Variants in IGDCC3 observed in about 807,000 individuals in gnomAD.
IGDCC3 encodes the protein immunoglobulin superfamily DCC subclass member 3.
A neutral mutation model predicts 72.0 loss-of-function variants in IGDCC3; 47 were observed. The observed-to-expected ratio is 0.65, with a 90% CI of 0.52 to 0.83. IGDCC3 has a LOEUF of 0.83. Ranked by LOEUF, IGDCC3 falls within the 40% of genes least tolerant of loss-of-function variation. The pLI is 0.00. For synonymous variants in IGDCC3, 477 were observed against 472.8 expected, an observed-to-expected ratio of 1.01 and a Z score of -0.11; for missense variants, 1,038 against 1,091.3, an observed-to-expected ratio of 0.95 and a Z score of 0.69.
At chr15:65,366,428 G>A (rs2140168176) in intron 2 of IGDCC3, among the ~76,000 whole-genome samples, 1 of 152,176 alleles carries the variant, frequency 6.6e-6, no homozygotes. Flanking sequence ...AAGGAGGGAG[G>A]AGGAGCTGGA....
intron 2 of IGDCC3, among the ~76,000 whole-genome samples, chr15:65,369,411 C>A (rs532005574): frequency 4.2e-4 from 64 of 152,298 alleles, no homozygotes; most frequent in African/African-American, 1.4e-3. Context: ...AACTTCTCAG[C>A]GGTGTCAGAA....
In IGDCC3 at chr15:65,331,033, C is replaced by T. The variant is rs1184855689; in HGVS notation, c.1561+17G>A. 6.2e-7 allele frequency: 1 copy of T among 1,611,438 alleles called. No homozygotes were observed. The highest frequency in any genetic ancestry group is 1.3e-5 in the African/African-American group (1 of 74,912). On this transcript the variant is annotated intron_variant, in intron 9 of 13. Transcript: ENST00000327987. ...GAGTGAGTGCCTGTGGTTTTGTGCTCCACACCCAGGCCTCACCTTCACCCA... is the reference window on the plus strand; with the variant it reads ...GAGTGAGTGCCTGTGGTTTTGTGCTTCACACCCAGGCCTCACCTTCACCCA...
chr15:65,357,686 A>G (rs2091234000), intron 2 of IGDCC3, among the ~76,000 whole-genome samples: 1 of 152,182 alleles, frequency 6.6e-6, no homozygotes, highest in Non-Finnish European at 1.5e-5. Flanking sequence ...TTTAAGTATA[A>G]CTCATTGTTT....
At chr15:65,361,212 G>A (rs2091258311) in intron 2 of IGDCC3, among the ~76,000 whole-genome samples, 1 of 151,940 alleles carries the variant, frequency 6.6e-6, no homozygotes, top group Non-Finnish European at 1.5e-5. Context: ...GGGATTACCT[G>A]AGCCCAGGAG....
At position 65,339,781 on chromosome 15, in the gene IGDCC3, C is replaced by T. The variant is rs1273634013; in HGVS notation, c.410-3825G>A. On this transcript the variant is annotated intron_variant, in intron 2 of 13. Transcript: ENST00000327987. This position sits in a 1 kb window ranked among gnomAD's most constrained non-coding sequence, Gnocchi z 4.1. ...TGGTATTGTGTCTGTGGCTGGTGCA[C>T]GTGACAGTGGTGCTGTGACTTTGGC... Among the ~76,000 whole-genome samples, 3 of 152,276 alleles carry T rather than the reference C, an allele frequency of 2.0e-5. No homozygotes were observed. The highest frequency in any genetic ancestry group is 4.1e-4 in the South Asian group (2 of 4,826).
intron 2 of IGDCC3, among the ~76,000 whole-genome samples, chr15:65,337,428 C>A (rs2091040528): frequency 6.6e-6 from 1 of 152,172 alleles, no homozygotes; most frequent in African/African-American, 2.4e-5. Context: ...CGGGTGTGTA[C>A]CTCTGGTTCT....
At chr15:65,346,566 C>T (rs1159502308) in intron 2 of IGDCC3, among the ~76,000 whole-genome samples, 2 of 152,024 alleles carry the variant, frequency 1.3e-5, no homozygotes, top group Admixed American at 6.6e-5. Flanking sequence ...AAGCGATTCT[C>T]CTACCTCAGC....
chr15:65,370,612 ATG>A (rs1222184688), intron 2 of IGDCC3, among the ~76,000 whole-genome samples: 71 of 81,304 alleles, frequency 8.7e-4, no homozygotes, highest in African/African-American at 3.3e-3. Flanking sequence ...GTGTATATAT[ATG>A]TATGTGTATA....
Position 65,335,322 on chromosome 15 carries a change from C to T in IGDCC3, c.654G>A (p.Arg218=), listed in dbSNP as rs774093060. 8 of 1,613,332 alleles carry T rather than the reference C, an allele frequency of 5.0e-6. No individual in the cohort carries two copies. The African/African-American group carries it at 1.1e-4, about 22-fold the overall frequency. The stretch of plus-strand genomic sequence containing the variant: ...CAGTGAGCCTGGCCCCGTGGCTGAT[C>T]CGGATACTGGCGATGTTTGAGGCCA... ...HCVASNIASI[R]ISHGARLTVS... is the part of the protein sequence containing the mutation. The change falls in exon 4 of 14, where the codon CGG becomes CGA. Residue 218 remains arginine (R), a synonymous_variant. Coordinates refer to ENST00000327987, the MANE Select transcript of IGDCC3 (RefSeq NM_004884.4).
At chr15:65,374,537 GTGA>G (rs1160514867) in intron 2 of IGDCC3, among the ~76,000 whole-genome samples, 2 of 152,142 alleles carry the variant, frequency 1.3e-5, no homozygotes, top group African/African-American at 4.8e-5. Context: ...GTGAGTAGGA[GTGA>G]TGTCATCATT....
At chr15:65,333,155 A>G in intron 6 of IGDCC3, 102 bp downstream of exon 6, 1 of 1,199,450 alleles carries the variant, frequency 8.3e-7, no homozygotes, top group Non-Finnish European at 1.1e-6. Context: ...GGGCGAGTCC[A>G]GGAGACTGGG....
At chr15:65,340,210 G>C (rs562770463) in intron 2 of IGDCC3, among the ~76,000 whole-genome samples, 2 of 152,304 alleles carry the variant, frequency 1.3e-5, no homozygotes, top group East Asian at 3.9e-4. Flanking sequence ...CGCTCAGGGA[G>C]GGGAGGGGAA....
At position 65,377,670 on chromosome 15, in the gene IGDCC3, G is replaced by C; in HGVS notation, c.103+16C>G. On this transcript the variant is annotated intron_variant, in intron 1 of 13. Transcript: ENST00000327987. This position sits in a 1 kb window ranked among gnomAD's most constrained non-coding sequence, Gnocchi z 4.9. ...GCTCCGTCCGCAACCGCCCGGTCCG[G>C]GGCGCTTTCACTCACCCTCGCTCGG... 2.8e-6 allele frequency: 4 copies of C among 1,447,104 alleles called. No homozygotes were observed. Among genetic ancestry groups the C allele is most frequent in the East Asian group, 2.9e-5 (1 of 34,730 alleles). 89.6% of individuals were successfully genotyped at this position (1,447,104 alleles called of 1,614,324 possible).
intron 2 of IGDCC3, among the ~76,000 whole-genome samples, chr15:65,364,917 C>T (rs2091281374): frequency 6.6e-6 from 1 of 152,104 alleles, no homozygotes; most frequent in African/African-American, 2.4e-5. Flanking sequence ...AACATGCACG[C>T]CAGTGTTTCC....
chr15:65,355,857 C>CCCCT (rs547834904), intron 2 of IGDCC3: 1 of 368,672 alleles, frequency 2.7e-6, no homozygotes, highest in East Asian at 1.2e-4. Context: ...TTCCCGCCAC[C>CCCCT]CCCTCCCCCA....
At chr15:65,348,293 C>T (rs2091143285) in intron 2 of IGDCC3, among the ~76,000 whole-genome samples, 1 of 152,238 alleles carries the variant, frequency 6.6e-6, no homozygotes, top group African/African-American at 2.4e-5. Flanking sequence ...TCACTTTGCA[C>T]TGCAGACTCG....
In IGDCC3 at chr15:65,377,632, C is replaced by T; in HGVS notation, c.103+54G>A. On this transcript the variant is annotated intron_variant, in intron 1 of 13. Coordinates refer to ENST00000327987, the MANE Select transcript of IGDCC3 (RefSeq NM_004884.4). This position sits in a 1 kb window ranked among gnomAD's most constrained non-coding sequence, Gnocchi z 4.9. ...CCCTCGCGCCCGCTCCCTCCCTGCT[C>T]GCCCTTCCCCTGGCTCCGTCCGCAA... The T allele has an allele frequency of 2.2e-6, 3 of 1,365,604 alleles. No individual in the cohort carries two copies. Among genetic ancestry groups the T allele is most frequent in the Non-Finnish European group, 2.8e-6 (3 of 1,061,606 alleles). 84.6% of individuals were successfully genotyped at this position (1,365,604 alleles called of 1,614,324 possible).
At chr15:65,353,994 C>T (rs907655667) in intron 2 of IGDCC3, among the ~76,000 whole-genome samples, 1 of 152,146 alleles carries the variant, frequency 6.6e-6, no homozygotes, top group African/African-American at 2.4e-5. Flanking sequence ...CAACCTCCAC[C>T]TCCCTGCTTC....
chr15:65,356,044 C>T, intron 2 of IGDCC3: 1 of 259,072 alleles, frequency 3.9e-6, no homozygotes, highest in Admixed American at 5.3e-5. Context: ...CCTCCCCGAG[C>T]CTTCTCCACC....
Sources: allele counts gnomAD v4.1 joint callset (sites outside exome capture counted in the v4.1 genomes callset), GRCh38; gene constraint gnomAD v4.1.1; non-coding constraint Gnocchi (gnomAD v3.1); transcripts MANE v1.5; gene names NCBI Gene and HGNC (gene_info 2026-07-23, HGNC 2026-07-21).